The following MET variants were observed in gnomAD, a reference collection of about 807,000 sequenced individuals.
The protein encoded by MET is MET proto-oncogene, receptor tyrosine kinase.
In MET, 48 loss-of-function variants were observed where a neutral mutation model predicts 133.1. That is an observed-to-expected ratio of 0.36 (90% CI 0.29 to 0.46). The LOEUF is 0.46. MET is among the 20% of genes least tolerant of loss of function. The pLI is 1.00. For missense variants in MET, 1,442 were observed against 1,695.9 expected, an observed-to-expected ratio of 0.85 and a Z score of 2.63; for synonymous variants, 628 against 616.5, an observed-to-expected ratio of 1.02 and a Z score of -0.28.
intron 19 of MET, among the ~76,000 whole-genome samples, chr7:116,793,272 T>G (rs534758557): frequency 6.6e-6 from 1 of 152,068 alleles, no homozygotes; most frequent in Admixed American, 6.5e-5. Context: ...CCTCCCAGGT[T>G]CAAGCGATTG....
At position 116,731,701 on chromosome 7, in the gene MET, C is replaced by T. The variant is rs367628460; in HGVS notation, c.1234C>T (p.Arg412Cys). ...LLRNSSGCEA[R>C]RDEYRTEFTT... is the part of the protein sequence containing the mutation. ...GAGAAATTCATCAGGCTGTGAAGCG[C>T]GCCGTGATGAATATCGAACAGAGTT... Residue 412 changes from arginine (R) to cysteine (C), a missense_variant, in exon 3 of 21, where the codon CGC (arginine) becomes TGC (cysteine). This residue lies in a region of MET where 762 missense variants were observed against 792.4 expected (regional missense o/e 0.96). Coordinates refer to ENST00000397752, the MANE Select transcript of MET (RefSeq NM_000245.4). 1.2e-5 allele frequency: 20 copies of T among 1,614,110 alleles called. No individual in the cohort carries two copies. Among genetic ancestry groups the T allele is most frequent in the Non-Finnish European group, 1.6e-5 (19 of 1,179,980 alleles).
chr7:116,745,196 A>G, intron 5 of MET, among the ~76,000 whole-genome samples: 1 of 152,194 alleles, frequency 6.6e-6, no homozygotes, highest in Non-Finnish European at 1.5e-5. Context: ...CAAAGAGAAT[A>G]AAATACCTAG....
chr7:116,759,626 G>C, intron 10 of MET, 136 bp downstream of exon 10: 1 of 1,007,360 alleles, frequency 9.9e-7, no homozygotes. Flanking sequence ...TAGCCAAGTA[G>C]TATTTTTTAT....
At chr7:116,788,543 C>T (rs528695579) in intron 19 of MET, among the ~76,000 whole-genome samples, 2 of 152,298 alleles carry the variant, frequency 1.3e-5, no homozygotes, top group African/African-American at 4.8e-5. Flanking sequence ...CACTCAGATA[C>T]TTGACTGGAA....
intron 11 of MET, among the ~76,000 whole-genome samples, chr7:116,766,144 G>A (rs921880275): frequency 2.0e-5 from 3 of 152,120 alleles, no homozygotes; most frequent in African/African-American, 7.2e-5. Context: ...CTCCCTGAGT[G>A]TCTTATTTCT....
chr7:116,785,987 A>G (rs1795301088), intron 19 of MET, among the ~76,000 whole-genome samples: 4 of 152,236 alleles, frequency 2.6e-5, no homozygotes, highest in African/African-American at 9.6e-5. Context: ...TGCAACTTGT[A>G]AAAAATGTAT....
At chr7:116,697,246 A>T (rs781221151) in intron 1 of MET, among the ~76,000 whole-genome samples, 21 of 152,302 alleles carry the variant, frequency 1.4e-4, no homozygotes, top group Admixed American at 4.6e-4. Flanking sequence ...ATATTAGGGT[A>T]TCAAATCCTA....
chr7:116,739,338 C>A (rs919573498), intron 3 of MET, among the ~76,000 whole-genome samples: 1 of 152,134 alleles, frequency 6.6e-6, no homozygotes, highest in Non-Finnish European at 1.5e-5. Flanking sequence ...TATTTTAAAG[C>A]CAGACCAAGA....
intron 19 of MET, among the ~76,000 whole-genome samples, chr7:116,790,914 TA>T (rs1795470886): frequency 6.6e-6 from 1 of 152,032 alleles, no homozygotes; most frequent in African/African-American, 2.4e-5. Flanking sequence ...CCATCTCCAC[TA>T]AAAATACAAA....
At position 116,758,461 on chromosome 7, in the gene MET, T is replaced by C. The variant is rs2116929861; in HGVS notation, c.2105T>C (p.Val702Ala). ...CTTCCTTAATTTTTTTTGTTCAGTG[T>C]GTCAAACAGTATTCTTGAATGTTAT... ...IGGKTCTLKS[V>A]SNSILECYTP... Residue 702 changes from valine (V) to alanine (A), a missense_variant and splice_region_variant, in exon 9 of 21, where the codon GTG (valine) becomes GCG (alanine). Around this residue, in one of 6 missense-constraint regions of MET, gnomAD observed 514 missense variants for 659.6 expected, o/e 0.78. Transcript: ENST00000397752. 6.2e-7 allele frequency: 1 copy of C among 1,613,546 alleles called. No homozygotes were observed.
intron 11 of MET, 155 bp downstream of exon 11, chr7:116,763,423 A>G (rs2116958488): frequency 5.6e-6 from 4 of 719,996 alleles, no homozygotes; most frequent in South Asian, 4.9e-5. Flanking sequence ...GCATAAAACT[A>G]AAAGATAAGA....
At chr7:116,755,000 G>GA (rs910141339) in intron 5 of MET, among the ~76,000 whole-genome samples, 2 of 147,622 alleles carry the variant, frequency 1.4e-5, no homozygotes, top group African/African-American at 5.0e-5. Context: ...AAGAAAGAAA[G>GA]AAAGAAAGAA....
intron 2 of MET, among the ~76,000 whole-genome samples, chr7:116,703,979 G>A (rs759006869): frequency 6.6e-6 from 1 of 152,094 alleles, no homozygotes; most frequent in Non-Finnish European, 1.5e-5. Flanking sequence ...ATAAGCATTT[G>A]AAAGACCTGT....
intron 1 of MET, among the ~76,000 whole-genome samples, chr7:116,687,806 C>T (rs558297687): frequency 2.5e-4 from 38 of 152,200 alleles, no homozygotes; most frequent in Admixed American, 5.2e-4. Context: ...CTCATTCAAA[C>T]GCTCTGCATT....
chr7:116,706,341 G>A (rs556525894), intron 2 of MET, among the ~76,000 whole-genome samples: 100 of 152,134 alleles, frequency 6.6e-4, no homozygotes, highest in African/African-American at 2.2e-3. Flanking sequence ...AACTGATATC[G>A]CAAACGGGAA....
intron 3 of MET, among the ~76,000 whole-genome samples, chr7:116,733,443 C>T (rs963430823): frequency 3.3e-5 from 5 of 151,138 alleles, no homozygotes; most frequent in Admixed American, 3.3e-4. Context: ...TTTTTAACAT[C>T]AAAAGTTCCC....
chr7:116,687,854 A>G, intron 1 of MET, among the ~76,000 whole-genome samples: 1 of 151,986 alleles, frequency 6.6e-6, no homozygotes, highest in East Asian at 1.9e-4. Context: ...GCACCCTCAC[A>G]CCTCTCCCCT....
intron 1 of MET, among the ~76,000 whole-genome samples, chr7:116,679,226 C>G (rs955054240): frequency 2.0e-5 from 3 of 152,172 alleles, no homozygotes; most frequent in Non-Finnish European, 2.9e-5. Context: ...ACTCTTTCTT[C>G]TGCCCAGAAA....
chr7:116,783,570 A>G (rs912126773), intron 19 of MET, 101 bp downstream of exon 19: 2 of 1,199,636 alleles, frequency 1.7e-6, no homozygotes, highest in African/African-American at 3.1e-5. Context: ...ATTCAACACC[A>G]CCAATTCCAG....
Sources: gnomAD v4.1 joint callset for allele counts (sites outside exome capture counted in the v4.1 genomes callset) on GRCh38, gnomAD v4.1.1 for gene constraint, gnomAD v4.1.1 regional missense constraint, MANE v1.5 for transcripts, NCBI Gene and HGNC (gene_info 2026-07-23, HGNC 2026-07-21) for gene names.